Variants in SSBP2 observed in about 807,000 individuals in gnomAD.
SSBP2 encodes the protein single stranded DNA binding protein 2.
Under a neutral mutation model 61.8 loss-of-function variants are expected in SSBP2, and 17 were observed. The observed-to-expected ratio is 0.28, with a 90% CI of 0.19 to 0.41. SSBP2 has a LOEUF of 0.41. Among genes scored for constraint, SSBP2 ranks in the 10% least tolerant of loss-of-function variants. The pLI is 1.00. For missense variants in SSBP2, 310 were observed against 458.7 expected (o/e 0.68, Z 2.96); for synonymous variants, 139 against 141.3 (o/e 0.98, Z 0.12).
intron 4 of SSBP2, among the ~76,000 whole-genome samples, chr5:81,579,421 G>A (rs1774477277): frequency 6.6e-6 from 1 of 151,712 alleles, no homozygotes; most frequent in East Asian, 1.9e-4. Flanking sequence ...AATTATGAGG[G>A]CAAAAGAGAA....
chr5:81,479,795 A>T (rs377209727), intron 6 of SSBP2, among the ~76,000 whole-genome samples: 91 of 152,302 alleles, frequency 6.0e-4, no homozygotes, highest in African/African-American at 2.1e-3. Context: ...CTTTTTAATG[A>T]TAAAAAACTG....
chr5:81,524,843 T>G (rs1769794978), intron 4 of SSBP2, among the ~76,000 whole-genome samples: 1 of 152,014 alleles, frequency 6.6e-6, no homozygotes, highest in South Asian at 2.1e-4. Flanking sequence ...TTCGGCTATT[T>G]TGCCAGCCAG....
At chr5:81,739,127 T>G (rs1453812954) in intron 1 of SSBP2, among the ~76,000 whole-genome samples, 1 of 116,572 alleles carries the variant, frequency 8.6e-6, no homozygotes, top group Non-Finnish European at 1.6e-5. Context: ...ATCATACCAT[T>G]GCACTCCAGC....
At chr5:81,587,808 G>C (rs1775184560) in intron 4 of SSBP2, among the ~76,000 whole-genome samples, 2 of 151,682 alleles carry the variant, frequency 1.3e-5, no homozygotes, top group African/African-American at 4.8e-5. Context: ...AGAATAAACT[G>C]AGATGTAAGA....
intron 3 of SSBP2, among the ~76,000 whole-genome samples, chr5:81,631,061 A>C (rs2153658016): frequency 6.6e-6 from 1 of 152,338 alleles, no homozygotes; most frequent in South Asian, 2.1e-4. Context: ...AAAATTAAGT[A>C]TTGACAGGCT....
At chr5:81,593,686 T>C (rs1421670769) in intron 4 of SSBP2, among the ~76,000 whole-genome samples, 1 of 152,158 alleles carries the variant, frequency 6.6e-6, no homozygotes, top group Non-Finnish European at 1.5e-5. Flanking sequence ...GGACCAATAC[T>C]CAACATTCTT....
chr5:81,514,305 A>C (rs1768842087), intron 4 of SSBP2, among the ~76,000 whole-genome samples: 1 of 152,142 alleles, frequency 6.6e-6, no homozygotes, highest in African/African-American at 2.4e-5. Flanking sequence ...TAGGAGAAAT[A>C]AATTAGATTT....
At position 81,414,408 on chromosome 5, in the gene SSBP2, GGGAC is replaced by G. The variant is rs1487614032; in HGVS notation, c.*6092_*6095del. Reference sequence around the variant, plus strand: ...AAATTTAACAGAGGAAATTCTCCTTGGGACACTTATTGAACTGAGGATTTCACTT... The same window carrying G: ...AAATTTAACAGAGGAAATTCTCCTTGACTTATTGAACTGAGGATTTCACTT... On this transcript the variant is annotated 3_prime_UTR_variant, in exon 17 of 17. Transcript: ENST00000320672. The G allele has an allele frequency of 6.6e-6, 1 of 152,038 alleles. No individual in the cohort carries two copies. The highest frequency in any genetic ancestry group is 1.9e-4 in the East Asian group (1 of 5,200). 9.4% of individuals were successfully genotyped at this position (152,038 alleles called of 1,614,324 possible).
chr5:81,472,117 A>G (rs2154021354), intron 8 of SSBP2, among the ~76,000 whole-genome samples: 1 of 152,310 alleles, frequency 6.6e-6, no homozygotes, highest in East Asian at 1.9e-4. Flanking sequence ...GTTTCTTGGA[A>G]AGGAGAAATG....
intron 4 of SSBP2, among the ~76,000 whole-genome samples, chr5:81,586,337 C>A (rs1358429377): frequency 1.3e-5 from 2 of 152,062 alleles, no homozygotes; most frequent in Admixed American, 1.3e-4. Flanking sequence ...TTGATAACAG[C>A]CATCTTAATA....
rs1434563307 is a variant in SSBP2, at chr5:81,728,766, CTT to C, written c.62+22213_62+22214del. ...TATTAAAGCTCCAAGCATGAATTAA[CTT>C]GCGCAAATGTCCAAGCCAATTAACA... On this transcript the variant is annotated intron_variant, in intron 1 of 16. Coordinates refer to ENST00000320672, the MANE Select transcript of SSBP2 (RefSeq NM_012446.5). Among the ~76,000 whole-genome samples, 6 of 152,198 alleles carry C rather than the reference CTT, an allele frequency of 3.9e-5. No individual in the cohort carries two copies. The South Asian group carries it at 1.2e-3, about 32-fold the overall frequency.
chr5:81,535,946 G>A (rs1770770040), intron 4 of SSBP2, among the ~76,000 whole-genome samples: 1 of 152,016 alleles, frequency 6.6e-6, no homozygotes, highest in Non-Finnish European at 1.5e-5. Flanking sequence ...ATTGTCAAGA[G>A]AGTGAGAAGA....
intron 5 of SSBP2, among the ~76,000 whole-genome samples, chr5:81,500,574 CCT>C (rs1277749791): frequency 7.9e-5 from 12 of 152,120 alleles, no homozygotes; most frequent in African/African-American, 2.7e-4. Context: ...GATTCTCCTG[CCT>C]CAGTCTCCCG....
intron 4 of SSBP2, among the ~76,000 whole-genome samples, chr5:81,608,610 G>A (rs945780074): frequency 5.3e-5 from 8 of 152,014 alleles, no homozygotes; most frequent in African/African-American, 1.9e-4. Context: ...ACTTCTCCAG[G>A]TACCAGATTT....
rs372693431 is a variant in SSBP2 at position 81,492,140 on chromosome 5, TA to T, written c.373-2832del. 3.5e-4 allele frequency among the ~76,000 whole-genome samples: 54 copies of T among 152,356 alleles called. 1 individual carries two copies. In the South Asian group the frequency reaches 0.01, roughly 29 times the overall value. On this transcript the variant is annotated intron_variant, in intron 5 of 16. Coordinates refer to ENST00000320672, the MANE Select transcript of SSBP2 (RefSeq NM_012446.5). ...TAATCTGTCCAAGAGATTATGCTAATATAAATTATATCTATTGACAGACATG... is the reference window on the plus strand; with the variant it reads ...TAATCTGTCCAAGAGATTATGCTAATTAAATTATATCTATTGACAGACATG...
chr5:81,709,135 C>T (rs1383334426), intron 1 of SSBP2, among the ~76,000 whole-genome samples: 2 of 151,880 alleles, frequency 1.3e-5, no homozygotes, highest in African/African-American at 2.4e-5. Flanking sequence ...GCTGTATTTG[C>T]AAAGGCTAAA....
At chr5:81,461,398 T>C (rs1010076982) in intron 9 of SSBP2, among the ~76,000 whole-genome samples, 3 of 152,074 alleles carry the variant, frequency 2.0e-5, no homozygotes, top group East Asian at 1.9e-4. Flanking sequence ...TATACATACA[T>C]TGAAATCATT....
chr5:81,653,692 T>C (rs545976500), intron 1 of SSBP2, among the ~76,000 whole-genome samples: 3 of 152,344 alleles, frequency 2.0e-5, no homozygotes, highest in South Asian at 4.1e-4. Flanking sequence ...ATTTCTCTAA[T>C]GTCCAGTGAT....
At chr5:81,659,838 T>C (rs1283441607) in intron 1 of SSBP2, among the ~76,000 whole-genome samples, 2 of 152,070 alleles carry the variant, frequency 1.3e-5, no homozygotes, top group African/African-American at 2.4e-5. Context: ...AAAACAGATA[T>C]ATAGACCAAT....
Sources: gnomAD v4.1 joint callset for allele counts (sites outside exome capture counted in the v4.1 genomes callset) on GRCh38, gnomAD v4.1.1 for gene constraint, MANE v1.5 for transcripts, NCBI Gene and HGNC (gene_info 2026-07-23, HGNC 2026-07-21) for gene names.